GTF2A2: variants seen among roughly 807,000 people sequenced by gnomAD.
The protein encoded by GTF2A2 is transcription initiation factor IIA subunit 2.
Under a neutral mutation model 14.3 loss-of-function variants are expected in GTF2A2, and 9 were observed. The observed-to-expected ratio is 0.63, with a 90% CI of 0.38 to 1.10. GTF2A2 has a LOEUF of 1.10. Among genes scored for constraint, GTF2A2 ranks in the 50% least tolerant of loss-of-function variants. The probability of loss-of-function intolerance (pLI) is 0.01; values close to 1 mark genes in which losing one functional copy is unlikely to be tolerated. For synonymous variants in GTF2A2, 56 were observed against 46.0 expected (o/e 1.22, Z -0.88); for missense variants, 90 against 124.6 (o/e 0.72, Z 1.32).
At chr15:59,644,689 A>G (rs1483893522) in intron 3 of GTF2A2, among the ~76,000 whole-genome samples, 1 of 152,226 alleles carries the variant, frequency 6.6e-6, no homozygotes, top group Non-Finnish European at 1.5e-5. Context: ...CAAAAAGTGA[A>G]GTTTAAGTTG....
At chr15:59,641,086 G>A (rs1416769352) in intron 4 of GTF2A2, among the ~76,000 whole-genome samples, 1 of 152,008 alleles carries the variant, frequency 6.6e-6, no homozygotes, top group Non-Finnish European at 1.5e-5. Flanking sequence ...AAGTGCAGGG[G>A]CTCACGCCTG....
intron 1 of GTF2A2, chr15:59,652,960 G>T (rs75746191): frequency 6.6e-6 from 1 of 152,128 alleles, no homozygotes; most frequent in South Asian, 2.1e-4. Context: ...GCAGAGGAGG[G>T]AAGTCATTCC....
chr15:59,641,182 T>C (rs1343030044), intron 4 of GTF2A2, among the ~76,000 whole-genome samples: 6 of 11,878 alleles, frequency 5.1e-4, no homozygotes, highest in South Asian at 5.0e-3. Flanking sequence ...AGCAAGACTC[T>C]TTTTTTTTTT....
At position 59,638,964 on chromosome 15, in the gene GTF2A2, G is replaced by C. The variant is rs1891281127; in HGVS notation, c.*168C>G. The C allele has an allele frequency of 3.4e-6, 2 of 596,696 alleles. No homozygotes were observed. Among genetic ancestry groups the C allele is most frequent in the South Asian group, 1.9e-5 (1 of 53,530 alleles). The allele number at this position is 596,696 out of a possible 1,614,324, so 37.0% of individuals were successfully genotyped here. On this transcript the variant is annotated 3_prime_UTR_variant, in exon 5 of 5. Coordinates refer to ENST00000396060, the MANE Select transcript of GTF2A2 (RefSeq NM_004492.3). Reference sequence around the variant, plus strand: ...TGGTTTTTCATGCTGTATAATAAAGGTGATGTAAGAGGCTACAGAGTTACA... The same window carrying C: ...TGGTTTTTCATGCTGTATAATAAAGCTGATGTAAGAGGCTACAGAGTTACA...
In GTF2A2 at chr15:59,653,262, T is replaced by TA. The variant is rs1891847514; in HGVS notation, c.-49-937_-49-936insT. On this transcript the variant is annotated intron_variant, in intron 1 of 4. Coordinates refer to ENST00000396060, the MANE Select transcript of GTF2A2 (RefSeq NM_004492.3). The stretch of plus-strand genomic sequence containing the variant: ...GGCAGCAGTACACAGTCAATAAATA[T>TA]TTACTGAGCTTCCACTACACGTCAG... Among the ~76,000 whole-genome samples, 3 of 152,084 alleles carry TA rather than the reference T, an allele frequency of 2.0e-5. No individual in the cohort carries two copies. The East Asian group carries it at 5.8e-4, about 29-fold the overall frequency.
chr15:59,640,860 C>T (rs1891394772), intron 4 of GTF2A2, among the ~76,000 whole-genome samples: 1 of 3,604 alleles, frequency 2.8e-4, no homozygotes, highest in Admixed American at 5.4e-3. Context: ...AAATATTGTT[C>T]CTTGCTGTAA....
chr15:59,655,873 G>A (rs747078952), intron 1 of GTF2A2, among the ~76,000 whole-genome samples: 5 of 151,990 alleles, frequency 3.3e-5, no homozygotes, highest in Non-Finnish European at 7.4e-5. Context: ...AGCAAATACT[G>A]TAAGGCCTAC....
At chr15:59,650,910 G>A in intron 2 of GTF2A2, 137 bp from the exon 3 acceptor site, 1 of 574,804 alleles carries the variant, frequency 1.7e-6, no homozygotes, top group Non-Finnish European at 3.1e-6. Context: ...TATCTCCTTT[G>A]CCATAACTGA....
At chr15:59,643,975 AC>A (rs1891520182) in intron 3 of GTF2A2, among the ~76,000 whole-genome samples, 1 of 151,936 alleles carries the variant, frequency 6.6e-6, no homozygotes, top group Non-Finnish European at 1.5e-5. Context: ...ACCAACTGCA[AC>A]CTCTGTCTCC....
rs757498406 is a variant in GTF2A2 at position 59,652,291 on chromosome 15, G to C, written c.-14C>G. 6.5e-7 allele frequency: 1 copy of C among 1,533,224 alleles called. No homozygotes were observed. The highest frequency in any genetic ancestry group is 8.9e-7 in the Non-Finnish European group (1 of 1,117,848). 95.0% of individuals were successfully genotyped at this position (1,533,224 alleles called of 1,614,324 possible). On this transcript the variant is annotated 5_prime_UTR_variant, in exon 2 of 5. Transcript: ENST00000396060. ...CTGATATGCCATGGCTTAGGAGGAA[G>C]AATTTGTTTTTCTTATTCAAGCTTG... is the stretch of plus-strand genomic sequence containing the variant.
In GTF2A2 at chr15:59,638,415, T is replaced by C. The variant is rs766528440; in HGVS notation, c.*717A>G. The C allele has an allele frequency of 1.3e-5, 2 of 149,784 alleles. No homozygotes were observed. The highest frequency in any genetic ancestry group is 2.4e-5 in the African/African-American group (1 of 41,240). 9.3% of individuals were successfully genotyped at this position (149,784 alleles called of 1,614,324 possible). A position where few individuals can be genotyped will look rare whatever the true frequency, so the allele number is the denominator to read the frequency against. Reference sequence around the variant, plus strand: ...ACATAAAAGTCTAATAATTAGACTTTATTGTAAGTCTAATGTATCTTGTAC... The same window carrying C: ...ACATAAAAGTCTAATAATTAGACTTCATTGTAAGTCTAATGTATCTTGTAC... On this transcript the variant is annotated 3_prime_UTR_variant, in exon 5 of 5. Coordinates refer to ENST00000396060, the MANE Select transcript of GTF2A2 (RefSeq NM_004492.3).
intron 3 of GTF2A2, among the ~76,000 whole-genome samples, chr15:59,642,791 G>T (rs186194003): frequency 1.3e-3 from 204 of 152,188 alleles, no homozygotes; most frequent in Non-Finnish European, 2.8e-4. Flanking sequence ...TTTTTGAGAT[G>T]GAGTCTTGCT....
At chr15:59,654,718 T>C (rs1265842724) in intron 1 of GTF2A2, among the ~76,000 whole-genome samples, 4 of 152,318 alleles carry the variant, frequency 2.6e-5, no homozygotes, top group African/African-American at 9.6e-5. Context: ...ACACAAAGTA[T>C]TACACTTCAC....
At chr15:59,639,803 T>C (rs1158809995) in intron 4 of GTF2A2, among the ~76,000 whole-genome samples, 1 of 151,534 alleles carries the variant, frequency 6.6e-6, no homozygotes, top group Non-Finnish European at 1.5e-5. Context: ...CAGGCTGGAG[T>C]GCAGTAGCGC....
At chr15:59,650,335 G>C (rs1403599623) in intron 3 of GTF2A2, among the ~76,000 whole-genome samples, 2 of 152,076 alleles carry the variant, frequency 1.3e-5, no homozygotes, top group Admixed American at 1.3e-4. Flanking sequence ...CAGAACCTTG[G>C]GGATTACTCC....
intron 3 of GTF2A2, among the ~76,000 whole-genome samples, chr15:59,648,401 C>CAAAAAAAAAAAAAAAA (rs71425875): frequency 2.2e-5 from 2 of 90,564 alleles, no homozygotes; most frequent in African/African-American, 4.6e-5. Context: ...GACTTCGTCT[C>CAAAAAAAAAAAAAAAA]AAAAAAAAAA....
intron 4 of GTF2A2, among the ~76,000 whole-genome samples, chr15:59,641,568 CAAAAAGGAAA>C (rs1160673247): frequency 6.6e-6 from 1 of 150,894 alleles, no homozygotes; most frequent in East Asian, 1.9e-4. Context: ...ATATAATTAG[CAAAAAGGAAA>C]TAAACTAATC....
chr15:59,652,364 C>A, intron 1 of GTF2A2, 38 bp from the exon 2 acceptor site: 2 of 704,310 alleles, frequency 2.8e-6, no homozygotes, highest in Non-Finnish European at 4.9e-6. Flanking sequence ...AAAGATCATA[C>A]TGTAACATCA....
chr15:59,643,877 C>T (rs556682893), intron 3 of GTF2A2, among the ~76,000 whole-genome samples: 13 of 148,298 alleles, frequency 8.8e-5, no homozygotes, highest in East Asian at 8.3e-4. Flanking sequence ...GAATTACAGG[C>T]GTGAGCCATA....
Sources: gnomAD v4.1 joint callset for allele counts (sites outside exome capture counted in the v4.1 genomes callset) on GRCh38, gnomAD v4.1.1 for gene constraint, MANE v1.5 for transcripts, NCBI Gene and HGNC (gene_info 2026-07-23, HGNC 2026-07-21) for gene names.